The following MDGA2 variants were observed in gnomAD, a reference collection of about 807,000 sequenced individuals.
MDGA2 encodes MAM domain containing glycosylphosphatidylinositol anchor 2.
In MDGA2, 40 loss-of-function variants were observed where a neutral mutation model predicts 117.8. The ratio of observed to expected loss-of-function variants is 0.34; its 90% CI spans 0.26 to 0.44. MDGA2 has a LOEUF of 0.44. Among genes scored for constraint, MDGA2 ranks in the 20% least tolerant of loss-of-function variants. MDGA2 has a pLI of 1.00. For missense variants in MDGA2, 1,123 were observed against 1,250.6 expected (o/e 0.90, Z 1.54); for synonymous variants, 452 against 439.0 (o/e 1.03, Z -0.37).
At chr14:47,469,942 C>G (rs547651978) in intron 1 of MDGA2, among the ~76,000 whole-genome samples, 1 of 152,170 alleles carries the variant, frequency 6.6e-6, no homozygotes, top group South Asian at 2.1e-4. Flanking sequence ...ATCCCCTTCT[C>G]CACATCTCTT....
intron 5 of MDGA2, among the ~76,000 whole-genome samples, chr14:47,105,144 G>A (rs145270613): frequency 0.026 from 4,025 of 152,044 alleles, 170 homozygotes; most frequent in African/African-American, 0.092. Context: ...GGCAAGTCCC[G>A]CTTTCCTGGG....
At chr14:47,351,078 A>ATTTTTTTTTT (rs36042383) in intron 1 of MDGA2, among the ~76,000 whole-genome samples, 17,330 of 127,204 alleles carry the variant, frequency 0.14, 1,696 homozygotes, top group South Asian at 0.22. Context: ...GGCCCGGCTA[A>ATTTTTTTTTT]TTTTTTTTTT....
intron 1 of MDGA2, among the ~76,000 whole-genome samples, chr14:47,413,831 G>A (rs1460930536): frequency 6.6e-6 from 1 of 152,034 alleles, no homozygotes; most frequent in East Asian, 1.9e-4. Context: ...AATAGAGTGA[G>A]TTAGCTAATC....
chr14:46,898,884 G>A (rs1465925444), intron 10 of MDGA2, among the ~76,000 whole-genome samples: 1 of 151,958 alleles, frequency 6.6e-6, no homozygotes, highest in Non-Finnish European at 1.5e-5. Context: ...AAAAATATTA[G>A]CTTAGGATAA....
intron 1 of MDGA2, among the ~76,000 whole-genome samples, chr14:47,333,356 T>C (rs1387512684): frequency 3.9e-5 from 6 of 151,938 alleles, no homozygotes; most frequent in African/African-American, 1.4e-4. Context: ...TATGATGATT[T>C]TTCCACAAAC....
chr14:47,205,189 G>C (rs572797962), intron 3 of MDGA2, among the ~76,000 whole-genome samples: 1 of 151,856 alleles, frequency 6.6e-6, no homozygotes, highest in African/African-American at 2.4e-5. Context: ...CATTCTCCCT[G>C]TCAGAAAAAT....
intron 1 of MDGA2, among the ~76,000 whole-genome samples, chr14:47,562,670 A>G (rs1446309535): frequency 6.6e-6 from 1 of 152,116 alleles, no homozygotes; most frequent in Non-Finnish European, 1.5e-5. Context: ...TAATTTTCTC[A>G]AAAAGCAAAG....
chr14:47,516,836 G>A (rs1261327051), intron 1 of MDGA2, among the ~76,000 whole-genome samples: 1 of 152,130 alleles, frequency 6.6e-6, no homozygotes, highest in Non-Finnish European at 1.5e-5. Flanking sequence ...AATTTTTAAA[G>A]CCCATTTTGG....
At chr14:47,106,795 G>T (rs1185785351) in intron 5 of MDGA2, among the ~76,000 whole-genome samples, 1 of 144,664 alleles carries the variant, frequency 6.9e-6, no homozygotes, top group East Asian at 1.9e-4. Context: ...CTCTTTTCAA[G>T]GGCCCGTTTC....
chr14:46,852,763 C>G (rs73250863), intron 15 of MDGA2, among the ~76,000 whole-genome samples: 3,471 of 151,908 alleles, frequency 0.023, 138 homozygotes, highest in African/African-American at 0.078. Flanking sequence ...ATAATTAGCC[C>G]TATACCAAAC....
At chr14:47,419,796 G>A (rs1210785029) in intron 1 of MDGA2, among the ~76,000 whole-genome samples, 1 of 151,932 alleles carries the variant, frequency 6.6e-6, no homozygotes, top group African/African-American at 2.4e-5. Context: ...AATTCAATGG[G>A]GGATAAAATA....
At chr14:47,616,014 C>T (rs763320649) in intron 1 of MDGA2, among the ~76,000 whole-genome samples, 1 of 152,268 alleles carries the variant, frequency 6.6e-6, no homozygotes, top group African/African-American at 2.4e-5. Flanking sequence ...AAAAGTTACT[C>T]CACGTCTCCT....
At chr14:47,643,822 TTTTC>T (rs1897474107) in intron 1 of MDGA2, among the ~76,000 whole-genome samples, 1 of 152,138 alleles carries the variant, frequency 6.6e-6, no homozygotes, top group African/African-American at 2.4e-5. Context: ...GATTCTCCAC[TTTTC>T]TTTATTTAAA....
At chr14:47,118,463 T>G (rs2139089293) in intron 5 of MDGA2, among the ~76,000 whole-genome samples, 1 of 152,326 alleles carries the variant, frequency 6.6e-6, no homozygotes, top group African/African-American at 2.4e-5. Context: ...CTGTCAATAT[T>G]TTATTTCTCG....
At chr14:47,396,360 C>T (rs927151940) in intron 1 of MDGA2, among the ~76,000 whole-genome samples, 1 of 151,966 alleles carries the variant, frequency 6.6e-6, no homozygotes, top group South Asian at 2.1e-4. Flanking sequence ...CCATGAAAAC[C>T]CTTTTTTCTT....
At chr14:47,017,311 AAAG>A (rs918770859) in intron 8 of MDGA2, among the ~76,000 whole-genome samples, 19 of 151,948 alleles carry the variant, frequency 1.3e-4, no homozygotes, top group East Asian at 1.2e-3. Context: ...AAAAAAAAAA[AAAG>A]AAGAAGAAAA....
chr14:47,369,247 C>G (rs1033762705), intron 1 of MDGA2, among the ~76,000 whole-genome samples: 1 of 125,316 alleles, frequency 8.0e-6, no homozygotes, highest in Admixed American at 9.1e-5. Flanking sequence ...AATGACATAT[C>G]CATATTATGA....
chr14:46,874,226 A>G lies in MDGA2; in HGVS notation c.2438-26T>C, dbSNP rs771550994. 3.7e-5 allele frequency: 44 copies of G among 1,191,382 alleles called. 1 individual carries two copies. The Admixed American group carries it at 1.3e-3, about 36-fold the overall frequency. 73.8% of individuals were successfully genotyped at this position (1,191,382 alleles called of 1,614,324 possible). A position where few individuals can be genotyped will look rare whatever the true frequency, so the allele number is the denominator to read the frequency against. On this transcript the variant is annotated intron_variant, in intron 12 of 16. Transcript: ENST00000399232. ...CTGTTGGTAAATTTTAATTAAATTAATATTAATTAAATTAATACACATACT... is the reference window on the plus strand; with the variant it reads ...CTGTTGGTAAATTTTAATTAAATTAGTATTAATTAAATTAATACACATACT...
intron 7 of MDGA2, among the ~76,000 whole-genome samples, chr14:47,060,259 T>C (rs1418397172): frequency 2.0e-5 from 3 of 152,092 alleles, no homozygotes; most frequent in Non-Finnish European, 4.4e-5. Flanking sequence ...TAGCACATTT[T>C]TGTTAGCCTG....
Sources: gnomAD v4.1 joint callset for allele counts (sites outside exome capture counted in the v4.1 genomes callset) on GRCh38, gnomAD v4.1.1 for gene constraint, MANE v1.5 for transcripts, NCBI Gene and HGNC (gene_info 2026-07-23, HGNC 2026-07-21) for gene names.